WIPF2: variants seen among roughly 807,000 people sequenced by gnomAD.
WIPF2 encodes the protein WAS/WASL interacting protein family member 2, also known as WAS/WASL-interacting protein family member 2.
Under a neutral mutation model 38.8 loss-of-function variants are expected in WIPF2, and 23 were observed. The observed-to-expected ratio is 0.59, with a 90% CI of 0.43 to 0.84. The LOEUF is 0.84. WIPF2 is among the 40% of genes least tolerant of loss of function. The pLI, the probability that WIPF2 is intolerant of heterozygous loss-of-function variation, is 0.00. For missense variants in WIPF2, 574 were observed against 580.5 expected (o/e 0.99, Z 0.11); for synonymous variants, 210 against 223.2 (o/e 0.94, Z 0.53).
At chr17:40,252,793 C>T (rs1325614952) in intron 1 of WIPF2, among the ~76,000 whole-genome samples, 12 of 149,972 alleles carry the variant, frequency 8.0e-5, no homozygotes, top group Non-Finnish European at 1.2e-4. Context: ...GATGGAGTTT[C>T]GCTCTTGTTG....
intron 1 of WIPF2, among the ~76,000 whole-genome samples, chr17:40,253,243 T>C (rs2031615380): frequency 6.6e-6 from 1 of 151,874 alleles, no homozygotes; most frequent in African/African-American, 2.4e-5. Flanking sequence ...TTTGTATTTT[T>C]AGTAGAGACA....
At chr17:40,237,693 T>G (rs1237470779) in intron 1 of WIPF2, among the ~76,000 whole-genome samples, 1 of 150,666 alleles carries the variant, frequency 6.6e-6, no homozygotes, top group Non-Finnish European at 1.5e-5. Flanking sequence ...TCGCCCAGGC[T>G]GGAGTGCAGT....
In WIPF2 at chr17:40,279,129, G is replaced by A. The variant is rs1249072841; in HGVS notation, c.*904G>A. 6.6e-6 allele frequency: 1 copy of A among 152,280 alleles called. No individual in the cohort carries two copies. Among genetic ancestry groups the A allele is most frequent in the East Asian group, 1.9e-4 (1 of 5,202 alleles). The allele number at this position is 152,280 out of a possible 1,614,324, so 9.4% of individuals were successfully genotyped here. A position where few individuals can be genotyped will look rare whatever the true frequency, so the allele number is the denominator to read the frequency against. On this transcript the variant is annotated 3_prime_UTR_variant, in exon 8 of 8. Transcript: ENST00000323571. Reference sequence around the variant, plus strand: ...CTCTGGTGGGAGATAGGAAGATAGGGCGTGGGCCTGGGCCTTAACCTCAAT... The same window carrying A: ...CTCTGGTGGGAGATAGGAAGATAGGACGTGGGCCTGGGCCTTAACCTCAAT...
intron 4 of WIPF2, 131 bp downstream of exon 4, chr17:40,262,772 T>C (rs1465804780): frequency 1.4e-6 from 1 of 690,942 alleles, no homozygotes; most frequent in Non-Finnish European, 2.5e-6. Context: ...GGAGGAGTTA[T>C]AGAATAGAAT....
chr17:40,226,880 T>C (rs1648102329), intron 1 of WIPF2, among the ~76,000 whole-genome samples: 1 of 151,990 alleles, frequency 6.6e-6, no homozygotes, highest in Admixed American at 6.6e-5. Context: ...TAGCTGAGAT[T>C]ACAGGTGCAC....
chr17:40,237,737 C>G (rs1473970646), intron 1 of WIPF2, among the ~76,000 whole-genome samples: 6 of 150,210 alleles, frequency 4.0e-5, no homozygotes, highest in African/African-American at 1.2e-4. Flanking sequence ...CCTCGGCCTC[C>G]CGGGTTCGAA....
intron 1 of WIPF2, among the ~76,000 whole-genome samples, chr17:40,222,599 G>GTGTGTA (rs1384724853): frequency 6.8e-6 from 1 of 147,890 alleles, no homozygotes; most frequent in African/African-American, 2.5e-5. Context: ...GTGTGTGTGT[G>GTGTGTA]TGTGTGTCTG....
In WIPF2 at chr17:40,275,255, A is replaced by C. The variant is rs566582950; in HGVS notation, c.1180+1256A>C. On this transcript the variant is annotated intron_variant, in intron 6 of 7. Coordinates refer to ENST00000323571, the MANE Select transcript of WIPF2 (RefSeq NM_133264.5). ...GACTCCGTCTCAAAAAAAAAAAAAA[A>C]AAAAAACAAAACCCAAAACATTACA... 2.9e-4 allele frequency among the ~76,000 whole-genome samples: 44 copies of C among 151,760 alleles called. No individual in the cohort carries two copies. In the South Asian group the frequency reaches 6.0e-3, roughly 21 times the overall value.
Position 40,264,642 on chromosome 17 carries a change from T to G in WIPF2, c.466T>G (p.Leu156Val). 6.2e-7 allele frequency: 1 copy of G among 1,613,882 alleles called. No individual in the cohort carries two copies. The highest frequency in any genetic ancestry group is 8.5e-7 in the Non-Finnish European group (1 of 1,179,886). ...ACTGCCCCGGATGCAGAGACCCTCT[T>G]TACCGGACCTCTCTCGGCCTAATAC... ...PELPRMQRPS[L>V]PDLSRPNTTS... is the part of the protein sequence containing the mutation. Residue 156 changes from leucine to valine, a missense_variant, in exon 5 of 8, where the codon TTA (leucine) becomes GTA (valine). Coordinates refer to ENST00000323571, the MANE Select transcript of WIPF2 (RefSeq NM_133264.5).
intron 1 of WIPF2, among the ~76,000 whole-genome samples, chr17:40,230,445 G>A (rs2030692128): frequency 1.3e-5 from 2 of 151,978 alleles, no homozygotes; most frequent in African/African-American, 4.8e-5. Flanking sequence ...TTGATGATGA[G>A]ACCATCAGTG....
At chr17:40,274,123 T>G in intron 6 of WIPF2, 124 bp downstream of exon 6, 1 of 752,306 alleles carries the variant, frequency 1.3e-6, no homozygotes, top group South Asian at 2.1e-5. Flanking sequence ...TTCACAATAG[T>G]TCTCCTGCTG....
At chr17:40,248,942 G>A (rs540889340) in intron 1 of WIPF2, among the ~76,000 whole-genome samples, 1 of 152,236 alleles carries the variant, frequency 6.6e-6, no homozygotes, top group Admixed American at 6.6e-5. Context: ...ACTGATTCTT[G>A]TAAGGAAGGA....
At chr17:40,249,989 T>G (rs547002096) in intron 1 of WIPF2, among the ~76,000 whole-genome samples, 1 of 151,318 alleles carries the variant, frequency 6.6e-6, no homozygotes, top group Non-Finnish European at 1.5e-5. Context: ...CCTGCCACCA[T>G]GCCTGGCTAA....
chr17:40,226,673 C>T (rs6503539), intron 1 of WIPF2, among the ~76,000 whole-genome samples: 37,703 of 152,090 alleles, frequency 0.25, 6,930 homozygotes, highest in African/African-American at 0.52. Flanking sequence ...ATTTAAACTG[C>T]TTCTTTCCTT....
intron 4 of WIPF2, 40 bp downstream of exon 4, chr17:40,262,681 G>A (rs1450365112): frequency 6.5e-7 from 1 of 1,543,598 alleles, no homozygotes; most frequent in African/African-American, 1.4e-5. Context: ...TCCCTGGTGT[G>A]TTAATTTCTG....
chr17:40,223,657 T>G (rs1207185166), intron 1 of WIPF2, among the ~76,000 whole-genome samples: 1 of 145,242 alleles, frequency 6.9e-6, no homozygotes, highest in Non-Finnish European at 1.5e-5. Context: ...TGGAGTGCAA[T>G]GGCATGATCT....
At position 40,219,379 on chromosome 17, in the gene WIPF2, G is replaced by C. The variant is rs1303170552; in HGVS notation, c.-183G>C. 2 of 408,800 alleles carry C rather than the reference G, an allele frequency of 4.9e-6. No individual in the cohort carries two copies. Among genetic ancestry groups the C allele is most frequent in the Non-Finnish European group, 9.2e-6 (2 of 217,820 alleles). The allele number at this position is 408,800 out of a possible 1,614,324, so 25.3% of individuals were successfully genotyped here. On this transcript the variant is annotated 5_prime_UTR_variant, in exon 1 of 8. Transcript: ENST00000323571. ...GGCAAAAGGGGCGGTGGCGGCGGCG[G>C]CGGCGGCGGCGGCGGCGGCGACGGC...
rs571085371 is a variant in WIPF2, at chr17:40,274,557, GAAAAAAAAAAAAAAAA to G, written c.1180+574_1180+589del. Among the ~76,000 whole-genome samples, 50 of 24,782 alleles carry G rather than the reference GAAAAAAAAAAAAAAAA, an allele frequency of 2.0e-3. 2 individuals are homozygous for G. The Admixed American group carries it at 0.025, about 12-fold the overall frequency. 16.3% of individuals were successfully genotyped at this position (24,782 alleles called of 152,430 possible). ...CATCCAGCCTTTCCTTGGAATTCTT[GAAAAAAAAAAAAAAAA>G]AAAAAAAAAAAAAAAGAAAAGTCCC... is the stretch of plus-strand genomic sequence containing the variant. On this transcript the variant is annotated intron_variant, in intron 6 of 7. Coordinates refer to ENST00000323571, the MANE Select transcript of WIPF2 (RefSeq NM_133264.5).
chr17:40,231,495 A>T (rs2030738276), intron 1 of WIPF2, among the ~76,000 whole-genome samples: 1 of 143,354 alleles, frequency 7.0e-6, no homozygotes, highest in Admixed American at 7.6e-5. Context: ...GCACGATCTC[A>T]GCTCACTGCA....
Sources: allele counts gnomAD v4.1 joint callset (sites outside exome capture counted in the v4.1 genomes callset), GRCh38; gene constraint gnomAD v4.1.1; transcripts MANE v1.5; gene names NCBI Gene and HGNC (gene_info 2026-07-23, HGNC 2026-07-21).